The following CREB5 variants were observed in gnomAD, a reference collection of about 807,000 sequenced individuals.
CREB5 encodes cyclic AMP-responsive element-binding protein 5.
CREB5 carries 19 observed loss-of-function variants against 57.1 expected under a neutral mutation model. The observed-to-expected ratio is 0.33, with a 90% CI of 0.23 to 0.49. CREB5 has a LOEUF of 0.49. CREB5 is among the 20% of genes least tolerant of loss of function. The probability of loss-of-function intolerance (pLI) is 0.99; values close to 1 mark genes in which losing one functional copy is unlikely to be tolerated. For synonymous variants in CREB5, 238 were observed against 238.3 expected (o/e 1.00, Z 0.01); for missense variants, 579 against 671.6 (o/e 0.86, Z 1.52).
At chr7:28,458,406 C>T (rs1015291542) in intron 1 of CREB5, among the ~76,000 whole-genome samples, 1 of 152,154 alleles carries the variant, frequency 6.6e-6, no homozygotes, top group Admixed American at 6.5e-5. Context: ...CATGGGTGTG[C>T]TTTGAACATG....
At chr7:28,403,176 G>T (rs1476091353) in intron 1 of CREB5, among the ~76,000 whole-genome samples, 2 of 152,174 alleles carry the variant, frequency 1.3e-5, no homozygotes, top group Admixed American at 6.5e-5. Flanking sequence ...ACTCAGTGCA[G>T]ATTTGTTAAC....
chr7:28,712,636 C>G (rs747608774), intron 5 of CREB5, among the ~76,000 whole-genome samples: 1 of 149,000 alleles, frequency 6.7e-6, no homozygotes, highest in African/African-American at 2.5e-5. Flanking sequence ...TGGGTTCAAG[C>G]GACTCCTGTG....
At chr7:28,628,593 C>T (rs948208742) in intron 5 of CREB5, among the ~76,000 whole-genome samples, 1 of 152,058 alleles carries the variant, frequency 6.6e-6, no homozygotes, top group Non-Finnish European at 1.5e-5. Flanking sequence ...ATTTCAAGAA[C>T]ATTCTACTGT....
chr7:28,693,308 T>TTG (rs1436592467), intron 5 of CREB5, among the ~76,000 whole-genome samples: 4 of 152,216 alleles, frequency 2.6e-5, no homozygotes, highest in Non-Finnish European at 5.9e-5. Context: ...GGAGACTGCA[T>TTG]TGTGTGAACT....
intron 4 of CREB5, among the ~76,000 whole-genome samples, chr7:28,561,528 T>C (rs1038747947): frequency 5.9e-5 from 9 of 152,220 alleles, no homozygotes; most frequent in African/African-American, 2.2e-4. Flanking sequence ...TGATTTAATC[T>C]TTACAAAAAC....
chr7:28,537,371 C>A (rs1224158586), intron 4 of CREB5, among the ~76,000 whole-genome samples: 1 of 116,074 alleles, frequency 8.6e-6, no homozygotes, highest in African/African-American at 3.2e-5. Flanking sequence ...ACAACATGCA[C>A]TTAAAGCCTT....
At chr7:28,693,102 C>T (rs1054011794) in intron 5 of CREB5, among the ~76,000 whole-genome samples, 3 of 152,202 alleles carry the variant, frequency 2.0e-5, no homozygotes, top group African/African-American at 7.2e-5. Context: ...CTTTCTTTCT[C>T]TCTCTTCACA....
At chr7:28,598,056 T>C (rs1482380007) in intron 5 of CREB5, among the ~76,000 whole-genome samples, 1 of 152,102 alleles carries the variant, frequency 6.6e-6, no homozygotes, top group Non-Finnish European at 1.5e-5. Flanking sequence ...TGTGATATGG[T>C]TTGGCTGTGT....
chr7:28,685,131 A>G (rs936999399), intron 5 of CREB5, among the ~76,000 whole-genome samples: 5 of 152,100 alleles, frequency 3.3e-5, no homozygotes, highest in African/African-American at 7.2e-5. Flanking sequence ...CCCCACCCAC[A>G]CCAGCACCCC....
rs1031386659 is a variant in CREB5 at position 28,740,977 on chromosome 7, G to T, written c.702+16645G>T. On this transcript the variant is annotated intron_variant, in intron 7 of 10. Transcript: ENST00000357727. Reference sequence around the variant, plus strand: ...TCAGGACCAATAATACATTATGAACGTATTACCTGGCCATGCAGGGATTTT... The same window carrying T: ...TCAGGACCAATAATACATTATGAACTTATTACCTGGCCATGCAGGGATTTT... Among the ~76,000 whole-genome samples the T allele has an allele frequency of 2.0e-5, 3 of 148,494 alleles. No individual in the cohort carries two copies. In the Admixed American group the frequency reaches 2.1e-4, roughly 10 times the overall value.
chr7:28,546,143 A>G (rs1001226756), intron 4 of CREB5, among the ~76,000 whole-genome samples: 1 of 152,070 alleles, frequency 6.6e-6, no homozygotes, highest in Non-Finnish European at 1.5e-5. Flanking sequence ...CTCATACTAC[A>G]TGTCATCTGC....
At chr7:28,739,324 A>G (rs1391264677) in intron 7 of CREB5, among the ~76,000 whole-genome samples, 3 of 152,230 alleles carry the variant, frequency 2.0e-5, no homozygotes, top group African/African-American at 7.2e-5. Context: ...GCCCACATAG[A>G]TAAGGAACAT....
At chr7:28,733,237 G>A (rs1023772252) in intron 7 of CREB5, among the ~76,000 whole-genome samples, 12 of 152,136 alleles carry the variant, frequency 7.9e-5, no homozygotes, top group Non-Finnish European at 1.6e-4. Context: ...GCACACTTGG[G>A]TAGAATTTCA....
At chr7:28,493,940 C>T (rs1273954646) in intron 2 of CREB5, among the ~76,000 whole-genome samples, 1 of 152,142 alleles carries the variant, frequency 6.6e-6, no homozygotes, top group South Asian at 2.1e-4. Flanking sequence ...TGGAAATATA[C>T]TGTACAGATT....
intron 7 of CREB5, among the ~76,000 whole-genome samples, chr7:28,768,112 C>G (rs1157884316): frequency 6.6e-6 from 1 of 152,090 alleles, no homozygotes; most frequent in African/African-American, 2.4e-5. Flanking sequence ...TTGGATGTGC[C>G]TTGTAGACAG....
intron 1 of CREB5, among the ~76,000 whole-genome samples, chr7:28,420,083 G>A (rs112647486): frequency 5.9e-5 from 8 of 135,386 alleles, no homozygotes; most frequent in African/African-American, 2.2e-4. Context: ...GATGGAGGCA[G>A]CATGGGCAAA....
At chr7:28,630,386 A>T (rs750412271) in intron 5 of CREB5, among the ~76,000 whole-genome samples, 142 of 152,216 alleles carry the variant, frequency 9.3e-4, no homozygotes, top group Admixed American at 1.0e-3. Context: ...TACTCCTAAT[A>T]GCAACTTCAG....
intron 9 of CREB5, among the ~76,000 whole-genome samples, chr7:28,813,316 T>C (rs1356468560): frequency 1.3e-5 from 2 of 152,204 alleles, no homozygotes; most frequent in African/African-American, 4.8e-5. Context: ...CGACTGCTGA[T>C]GTGGTACTCA....
chr7:28,430,646 G>T (rs1788675567), intron 1 of CREB5, among the ~76,000 whole-genome samples: 1 of 151,986 alleles, frequency 6.6e-6, no homozygotes, highest in African/African-American at 2.4e-5. Context: ...ATAATTTAGG[G>T]GGCTCAGTTT....
Sources: allele counts gnomAD v4.1 joint callset (sites outside exome capture counted in the v4.1 genomes callset), GRCh38; gene constraint gnomAD v4.1.1; transcripts MANE v1.5; gene names NCBI Gene and HGNC (gene_info 2026-07-23, HGNC 2026-07-21).